The following XPO1 variants were observed in gnomAD, a reference collection of about 807,000 sequenced individuals.
The protein encoded by XPO1 is exportin-1.
XPO1 carries 5 observed loss-of-function variants against 133.3 expected under a neutral mutation model. The ratio of observed to expected loss-of-function variants is 0.04; its 90% CI spans 0.02 to 0.08. XPO1 has a LOEUF of 0.08. Ranked by LOEUF, XPO1 falls within the 10% of genes least tolerant of loss-of-function variation. The probability of loss-of-function intolerance (pLI) is 1.00; values close to 1 mark genes in which losing one functional copy is unlikely to be tolerated. For missense variants in XPO1, 506 were observed against 1,267.5 expected, an observed-to-expected ratio of 0.40 and a Z score of 9.12; for synonymous variants, 419 against 408.2, an observed-to-expected ratio of 1.03 and a Z score of -0.32.
At chr2:61,505,545 C>T (rs767116036) in intron 4 of XPO1, among the ~76,000 whole-genome samples, 20 of 151,902 alleles carry the variant, frequency 1.3e-4, no homozygotes, top group Non-Finnish European at 2.8e-4. Flanking sequence ...GTAGATGCCA[C>T]TATGTCTGGC....
rs1201409062 is a variant in XPO1 at position 61,518,380 on chromosome 2, G to A, written c.301+4231C>T. ...ATCCTGGCTAACACGGTGAAACCCC[G>A]TCTCTACTAAAAAAAAAAACAAAAA... is the stretch of plus-strand genomic sequence containing the variant. On this transcript the variant is annotated intron_variant, in intron 4 of 24. Transcript: ENST00000401558. Among the ~76,000 whole-genome samples the A allele has an allele frequency of 1.9e-4, 28 of 146,982 alleles. No individual in the cohort carries two copies. In the South Asian group the frequency reaches 4.3e-3, roughly 22 times the overall value.
At position 61,531,820 on chromosome 2, in the gene XPO1, C is replaced by T. The variant is rs78943892; in HGVS notation, c.126+1952G>A. Among the ~76,000 whole-genome samples, 1,458 of 152,192 alleles carry T rather than the reference C, an allele frequency of 9.6e-3. 21 individuals carry two copies. The highest frequency in any genetic ancestry group is 0.032 in the African/African-American group (1,342 of 41,518). ...AACTAAATGACAGGGATAATAAATA[C>T]GGATGGTTAATTTTTTCAAGAATGC... On this transcript the variant is annotated intron_variant, in intron 2 of 24. Coordinates refer to ENST00000401558, the MANE Select transcript of XPO1 (RefSeq NM_003400.4).
intron 3 of XPO1, 136 bp from the exon 4 acceptor site, chr2:61,522,819 A>C (rs1573210990): frequency 3.1e-6 from 2 of 654,522 alleles, no homozygotes; most frequent in Admixed American, 2.8e-5. Context: ...TTAATTACAC[A>C]TATTAAACAA....
At chr2:61,495,771 A>G (rs552831445) in intron 10 of XPO1, among the ~76,000 whole-genome samples, 158 bp from the exon 11 acceptor site, 1 of 152,206 alleles carries the variant, frequency 6.6e-6, no homozygotes, top group Non-Finnish European at 1.5e-5. Flanking sequence ...TCCTAGGCCC[A>G]ATCAGTCCTC....
At chr2:61,496,766 CA>C (rs1205824477) in intron 10 of XPO1, 112 bp downstream of exon 10, 4 of 1,201,316 alleles carry the variant, frequency 3.3e-6, no homozygotes, top group Non-Finnish European at 4.3e-6. Context: ...ATGTAATAAA[CA>C]AAAGATTATG....
At chr2:61,528,454 G>T (rs1014316738) in intron 2 of XPO1, among the ~76,000 whole-genome samples, 1 of 151,772 alleles carries the variant, frequency 6.6e-6, no homozygotes, top group African/African-American at 2.4e-5. Context: ...CCAATATGGC[G>T]AAACCCCATC....
chr2:61,537,484 CG>C (rs1378715609), intron 1 of XPO1, 77 bp downstream of exon 1: 2 of 147,606 alleles, frequency 1.4e-5, no homozygotes, highest in Non-Finnish European at 3.0e-5. Context: ...GCCGCCGCCG[CG>C]CCCCACGCCG....
At chr2:61,498,239 C>T (rs1325446005) in intron 9 of XPO1, among the ~76,000 whole-genome samples, 1 of 152,208 alleles carries the variant, frequency 6.6e-6, no homozygotes, top group Non-Finnish European at 1.5e-5. Context: ...GGACTACAGG[C>T]ATACACCACC....
intron 10 of XPO1, among the ~76,000 whole-genome samples, chr2:61,496,208 T>C (rs553354835): frequency 1.6e-4 from 25 of 151,990 alleles, no homozygotes; most frequent in Non-Finnish European, 3.5e-4. Context: ...CATAGTAATC[T>C]ATCTTTCCTT....
chr2:61,523,078 G>C (rs1698766569), intron 3 of XPO1, among the ~76,000 whole-genome samples: 1 of 152,150 alleles, frequency 6.6e-6, no homozygotes, highest in Non-Finnish European at 1.5e-5. Context: ...TTAGCAGCTT[G>C]GATGCTATCA....
chr2:61,528,438 T>G (rs1175643410), intron 2 of XPO1, among the ~76,000 whole-genome samples: 1 of 151,804 alleles, frequency 6.6e-6, no homozygotes, highest in Non-Finnish European at 1.5e-5. Context: ...TTCAAGACCA[T>G]CCTGACCAAT....
At chr2:61,514,074 C>CTGA (rs1698231748) in intron 4 of XPO1, among the ~76,000 whole-genome samples, 3 of 151,908 alleles carry the variant, frequency 2.0e-5, no homozygotes, top group Admixed American at 2.0e-4. Flanking sequence ...GTAATCCCAG[C>CTGA]TACTCAGGAG....
rs1425680412 is a variant in XPO1 at position 61,478,198 on chromosome 2, AAAAC to A, written c.*618_*621del. 6 of 233,462 alleles carry A rather than the reference AAAAC, an allele frequency of 2.6e-5. No homozygotes were observed. The highest frequency in any genetic ancestry group is 4.2e-5 in the Non-Finnish European group (5 of 117,948). 14.5% of individuals were successfully genotyped at this position (233,462 alleles called of 1,614,324 possible). ...CGACAAGCGACAGCACACACACACA[AAAAC>A]AAAAAGAACTGTGTAAAAATAACTA... On this transcript the variant is annotated 3_prime_UTR_variant, in exon 25 of 25. Transcript: ENST00000401558.
chr2:61,493,307 A>G (rs1470922630), intron 12 of XPO1: 8 of 327,038 alleles, frequency 2.4e-5, no homozygotes, highest in Admixed American at 1.8e-4. Context: ...GGCTTAAAGC[A>G]CAACAGAAAA....
intron 4 of XPO1, among the ~76,000 whole-genome samples, chr2:61,519,409 G>C (rs554276464): frequency 6.6e-6 from 1 of 151,656 alleles, no homozygotes; most frequent in Non-Finnish European, 1.5e-5. Context: ...TAATTTAAAA[G>C]AACATGTTAG....
intron 4 of XPO1, among the ~76,000 whole-genome samples, chr2:61,517,409 C>G (rs1379808953): frequency 6.6e-6 from 1 of 152,144 alleles, no homozygotes; most frequent in African/African-American, 2.4e-5. Context: ...CATAGGCAAA[C>G]TGTGTCTCTA....
intron 11 of XPO1, among the ~76,000 whole-genome samples, chr2:61,495,131 A>C (rs375424226): frequency 6.6e-6 from 1 of 152,076 alleles, no homozygotes. Context: ...GATGAATTGT[A>C]TATCTTTAAA....
intron 4 of XPO1, among the ~76,000 whole-genome samples, chr2:61,515,492 C>T (rs940578328): frequency 3.3e-5 from 5 of 152,064 alleles, no homozygotes; most frequent in African/African-American, 1.2e-4. Flanking sequence ...TGGTATATGG[C>T]AATTTGGTGA....
intron 2 of XPO1, among the ~76,000 whole-genome samples, chr2:61,531,076 A>C (rs866542135): frequency 6.6e-6 from 1 of 152,180 alleles, no homozygotes; most frequent in African/African-American, 2.4e-5. Context: ...ACTAAAAATC[A>C]TGTTTTCCAC....
Sources: gnomAD v4.1 joint callset for allele counts (sites outside exome capture counted in the v4.1 genomes callset) on GRCh38, gnomAD v4.1.1 for gene constraint, MANE v1.5 for transcripts, NCBI Gene and HGNC (gene_info 2026-07-23, HGNC 2026-07-21) for gene names.